STS: variants seen among roughly 807,000 people sequenced by gnomAD.
STS encodes steryl-sulfatase.
STS carries 7 observed loss-of-function variants against 26.8 expected under a neutral mutation model. That is an observed-to-expected ratio of 0.26 (90% CI 0.15 to 0.49). The LOEUF (loss-of-function observed/expected upper bound fraction) is 0.49, where lower values mean the gene tolerates loss of function less well. STS is among the 20% of genes least tolerant of loss of function. The pLI is 0.98. For missense variants in STS, 434 were observed against 465.6 expected (o/e 0.93, Z 0.63); for synonymous variants, 199 against 189.4 (o/e 1.05, Z -0.42).
chrX:7,148,162 A>C, intron 1 of STS, 79 bp downstream of exon 1: 7 of 913,222 alleles, frequency 7.7e-6, no homozygotes, highest in South Asian at 2.4e-5. Context: ...GTGCGCGCGC[A>C]CCCGCCCGCC....
Position 7,257,373 on chromosome X carries a change from T to G in STS, c.259+10T>G, listed in dbSNP as rs749108195. ...TACCCTGTCCGATCAGGTAACCTCCTATCTGCATCGCAGGGGCTGTGGTCA... is the reference window on the plus strand; with the variant it reads ...TACCCTGTCCGATCAGGTAACCTCCGATCTGCATCGCAGGGGCTGTGGTCA... On this transcript the variant is annotated intron_variant, in intron 4 of 10. Transcript: ENST00000674429. 5.0e-6 allele frequency: 6 copies of G among 1,210,304 alleles called. No individual in the cohort carries two copies. The highest frequency in any genetic ancestry group is 3.5e-5 in the South Asian group (2 of 56,906).
At chrX:7,230,180 C>T (rs1370060899) in intron 2 of STS, among the ~76,000 whole-genome samples, 4 of 111,423 alleles carry the variant, frequency 3.6e-5, no homozygotes, top group Admixed American at 9.5e-5. Flanking sequence ...GAGCCACCAC[C>T]AGGTCCATCC....
chrX:7,269,354 C>G (rs1197277150), intron 6 of STS, among the ~76,000 whole-genome samples: 1 of 103,211 alleles, frequency 9.7e-6, no homozygotes, highest in Non-Finnish European at 2.0e-5. Flanking sequence ...CCATACATTT[C>G]TGTATCTCTG....
intron 10 of STS, among the ~76,000 whole-genome samples, chrX:7,339,570 A>AGT (rs1389936291): frequency 8.9e-6 from 1 of 112,574 alleles, no homozygotes; most frequent in African/African-American, 3.2e-5. Context: ...TACAAGGTAC[A>AGT]ACATTTGTAC....
At chrX:7,163,905 G>T (rs1314254537) in intron 1 of STS, among the ~76,000 whole-genome samples, 1 of 112,067 alleles carries the variant, frequency 8.9e-6, no homozygotes, top group Non-Finnish European at 1.9e-5. Context: ...TGCAATCTCT[G>T]CCTCCTTGGT....
chrX:7,315,561 GA>G (rs1926676172), intron 8 of STS, among the ~76,000 whole-genome samples: 2 of 111,700 alleles, frequency 1.8e-5, no homozygotes, highest in Non-Finnish European at 3.8e-5. Flanking sequence ...TGAGGAGCCA[GA>G]AAGCCAGTCC....
intron 2 of STS, among the ~76,000 whole-genome samples, chrX:7,250,894 A>G (rs780204934): frequency 2.8e-4 from 32 of 112,504 alleles, no homozygotes; most frequent in Admixed American, 4.7e-4. Flanking sequence ...GAGGCTCACA[A>G]CATTTAAAGT....
Position 7,332,981 on chromosome X carries a change from T to C in STS, c.1242-1005T>C, listed in dbSNP as rs192463290. On this transcript the variant is annotated intron_variant, in intron 9 of 10. Coordinates refer to ENST00000674429, the MANE Select transcript of STS (RefSeq NM_001320752.2). ...AGAAGTGCTAACAACAAGGCTATAA[T>C]TACATTATAGGTTTTTAGTGACAAC... 1.2e-4 allele frequency among the ~76,000 whole-genome samples: 14 copies of C among 112,011 alleles called. No individual in the cohort carries two copies. In the East Asian group the frequency reaches 4.0e-3, roughly 32 times the overall value.
chrX:7,291,986 C>G (rs1315431328), intron 7 of STS, among the ~76,000 whole-genome samples: 1 of 112,137 alleles, frequency 8.9e-6, no homozygotes, highest in Non-Finnish European at 1.9e-5. Flanking sequence ...CGATTTGTTG[C>G]AAGTAAATAT....
At chrX:7,204,897 C>G (rs898900117) in intron 2 of STS, among the ~76,000 whole-genome samples, 2 of 107,611 alleles carry the variant, frequency 1.9e-5, no homozygotes, top group East Asian at 5.8e-4. Flanking sequence ...TTATTCCTCC[C>G]TCCTTCGCTC....
intron 2 of STS, among the ~76,000 whole-genome samples, chrX:7,204,917 C>T (rs1008569267): frequency 9.3e-6 from 1 of 108,013 alleles, no homozygotes; most frequent in Non-Finnish European, 1.9e-5. Context: ...CTCTCTCTTG[C>T]TCCCTAATCA....
chrX:7,177,260 T>C (rs1486134121), intron 1 of STS, among the ~76,000 whole-genome samples: 1 of 110,943 alleles, frequency 9.0e-6, no homozygotes, highest in Non-Finnish European at 1.9e-5. Flanking sequence ...TGGACCTTGA[T>C]CAAAATCTTT....
chrX:7,255,640 T>G (rs976974469), intron 3 of STS, among the ~76,000 whole-genome samples: 1 of 112,242 alleles, frequency 8.9e-6, no homozygotes, highest in African/African-American at 3.2e-5. Flanking sequence ...CATTTTTCAT[T>G]TTTATATTTT....
chrX:7,244,270 C>A (rs1047246183), intron 2 of STS, among the ~76,000 whole-genome samples: 2 of 112,130 alleles, frequency 1.8e-5, no homozygotes, highest in African/African-American at 6.5e-5. Flanking sequence ...GGAATGCTTG[C>A]AGCCTAATGT....
At chrX:7,289,388 A>G (rs564575817) in intron 7 of STS, among the ~76,000 whole-genome samples, 3 of 111,480 alleles carry the variant, frequency 2.7e-5, no homozygotes, top group African/African-American at 3.3e-5. Flanking sequence ...TCCAAGAGCT[A>G]TTTTCCTCAG....
chrX:7,191,218 G>C (rs1224029009), intron 2 of STS, among the ~76,000 whole-genome samples: 1 of 111,964 alleles, frequency 8.9e-6, no homozygotes, highest in Non-Finnish European at 1.9e-5. Flanking sequence ...GGTCAAAGGG[G>C]AGCATCTGTG....
At chrX:7,273,042 C>T (rs748394495) in intron 6 of STS, among the ~76,000 whole-genome samples, 11 of 111,098 alleles carry the variant, frequency 9.9e-5, no homozygotes, top group East Asian at 5.7e-4. Context: ...GCCAGCTACT[C>T]CAGAGGCTGA....
At chrX:7,313,193 C>T (rs1435112977) in intron 8 of STS, among the ~76,000 whole-genome samples, 1 of 112,140 alleles carries the variant, frequency 8.9e-6, no homozygotes, top group South Asian at 3.7e-4. Context: ...GGTGGGGGAT[C>T]ATATTTTCCA....
At chrX:7,279,413 CTG>C (rs60649361) in intron 7 of STS, among the ~76,000 whole-genome samples, 2,189 of 80,053 alleles carry the variant, frequency 0.027, 44 homozygotes, top group African/African-American at 0.047. Flanking sequence ...GTGTGTGTGT[CTG>C]TGTGTGTGTG....
Sources: gnomAD v4.1 joint callset for allele counts (sites outside exome capture counted in the v4.1 genomes callset) on GRCh38, gnomAD v4.1.1 for gene constraint, MANE v1.5 for transcripts, NCBI Gene and HGNC (gene_info 2026-07-23, HGNC 2026-07-21) for gene names.